DTWD2: variants seen among roughly 807,000 people sequenced by gnomAD.
The protein encoded by DTWD2 is tRNA-uridine aminocarboxypropyltransferase 2.
DTWD2 carries 39 observed loss-of-function variants against 31.8 expected under a neutral mutation model. The ratio of observed to expected loss-of-function variants is 1.22; its 90% confidence interval spans 0.95 to 1.60. DTWD2 has a LOEUF of 1.60. Among genes scored for constraint, DTWD2 ranks in the 40% most tolerant of loss-of-function variants. The probability of loss-of-function intolerance (pLI) is 0.00; values close to 1 mark genes in which losing one functional copy is unlikely to be tolerated. For synonymous variants in DTWD2, 180 were observed against 142.8 expected (o/e 1.26, Z -1.86); for missense variants, 515 against 381.5 (o/e 1.35, Z -2.92).
chr5:118,853,739 G>T (rs1752066724), intron 4 of DTWD2, among the ~76,000 whole-genome samples: 1 of 152,154 alleles, frequency 6.6e-6, no homozygotes, highest in Non-Finnish European at 1.5e-5. Context: ...GACACAGAGG[G>T]GAGGAGGGCA....
chr5:118,883,153 A>T (rs758880150), intron 4 of DTWD2, among the ~76,000 whole-genome samples: 1 of 152,218 alleles, frequency 6.6e-6, no homozygotes, highest in Non-Finnish European at 1.5e-5. Context: ...TAAAAGTTCC[A>T]CAGATCTCTA....
chr5:118,974,145 T>TAA (rs1204642358), intron 1 of DTWD2: 1 of 1,550,908 alleles, frequency 6.4e-7, no homozygotes, highest in Middle Eastern at 2.3e-4. Context: ...AAGGAAAAGT[T>TAA]AAACTAAAAA....
intron 2 of DTWD2, 64 bp downstream of exon 2, chr5:118,944,495 A>C (rs1473022414): frequency 6.7e-7 from 1 of 1,482,504 alleles, no homozygotes; most frequent in African/African-American, 1.4e-5. Flanking sequence ...AAGTATGTTT[A>C]TCTTCGTGTT....
intron 2 of DTWD2, among the ~76,000 whole-genome samples, chr5:118,940,258 T>A (rs896073843): frequency 6.6e-6 from 1 of 152,186 alleles, no homozygotes; most frequent in African/African-American, 2.4e-5. Flanking sequence ...GCCAAGTGAT[T>A]AGTTACTCCG....
chr5:118,869,102 A>C (rs771007319), intron 4 of DTWD2, among the ~76,000 whole-genome samples: 2 of 152,078 alleles, frequency 1.3e-5, no homozygotes, highest in Non-Finnish European at 2.9e-5. Context: ...CAAGAGAAAA[A>C]GAGTTGCGAA....
At chr5:118,870,021 T>C (rs1752467561) in intron 4 of DTWD2, among the ~76,000 whole-genome samples, 1 of 152,148 alleles carries the variant, frequency 6.6e-6, no homozygotes, top group Non-Finnish European at 1.5e-5. Context: ...TCTTGCTCCC[T>C]CTCTTGCCAT....
At chr5:118,917,523 T>A (rs1384378864) in intron 4 of DTWD2, among the ~76,000 whole-genome samples, 1 of 152,160 alleles carries the variant, frequency 6.6e-6, no homozygotes, top group African/African-American at 2.4e-5. Context: ...GACTGGGCAA[T>A]TTATAAAGAA....
At chr5:118,920,022 A>G (rs1244115727) in intron 4 of DTWD2, among the ~76,000 whole-genome samples, 1 of 151,980 alleles carries the variant, frequency 6.6e-6, no homozygotes. Context: ...AAAAAAGTGC[A>G]CATTAAATGT....
At chr5:118,884,721 T>G (rs1752816734) in intron 4 of DTWD2, among the ~76,000 whole-genome samples, 1 of 152,166 alleles carries the variant, frequency 6.6e-6, no homozygotes, top group Non-Finnish European at 1.5e-5. Flanking sequence ...ACCTTCCAGG[T>G]TGGGGCTGGG....
rs145210347 is a variant in DTWD2, at chr5:118,986,634, A to T, written c.218+1660T>A. ...CCCAGGGTACTAGTAGAACTCTAAT[A>T]GCATAATGAAATAAAATATAAAAAG... On this transcript the variant is annotated intron_variant, in intron 1 of 5. Transcript: ENST00000510708. 5.0e-3 allele frequency among the ~76,000 whole-genome samples: 756 copies of T among 152,332 alleles called. 8 individuals are homozygous for T. The highest frequency in any genetic ancestry group is 0.017 in the African/African-American group (724 of 41,584).
At chr5:118,904,310 A>G (rs35808268) in intron 4 of DTWD2, among the ~76,000 whole-genome samples, 5,283 of 152,226 alleles carry the variant, frequency 0.035, 132 homozygotes, top group Non-Finnish European at 0.054. Context: ...ACTAACATAT[A>G]CCAATAACAT....
At chr5:118,881,477 T>C (rs1041152727) in intron 4 of DTWD2, among the ~76,000 whole-genome samples, 10 of 152,342 alleles carry the variant, frequency 6.6e-5, no homozygotes, top group African/African-American at 2.4e-4. Flanking sequence ...AACTGATATA[T>C]TTCTAGAACC....
At chr5:118,862,604 A>C (rs1412682053) in intron 4 of DTWD2, among the ~76,000 whole-genome samples, 1 of 152,178 alleles carries the variant, frequency 6.6e-6, no homozygotes, top group Non-Finnish European at 1.5e-5. Flanking sequence ...AAGAAACACA[A>C]AATACTATAC....
At chr5:118,944,867 A>T (rs1754297764) in intron 1 of DTWD2, among the ~76,000 whole-genome samples, 1 of 152,212 alleles carries the variant, frequency 6.6e-6, no homozygotes, top group South Asian at 2.1e-4. Context: ...ATATAGATTA[A>T]GTACCTCAAA....
chr5:118,920,304 A>T (rs958814535), intron 4 of DTWD2, among the ~76,000 whole-genome samples: 17 of 152,018 alleles, frequency 1.1e-4, no homozygotes, highest in Admixed American at 4.6e-4. Context: ...TTCTTTTTTT[A>T]AAAAAGAGAT....
intron 4 of DTWD2, among the ~76,000 whole-genome samples, chr5:118,926,202 G>T (rs757815068): frequency 6.6e-5 from 10 of 152,124 alleles, no homozygotes; most frequent in Non-Finnish European, 1.3e-4. Context: ...TATATACCAC[G>T]GAATACTACT....
At position 118,970,380 on chromosome 5, in the gene DTWD2, T is replaced by C. The variant is rs528007687; in HGVS notation, c.218+17914A>G. On this transcript the variant is annotated intron_variant, in intron 1 of 5. Coordinates refer to ENST00000510708, the MANE Select transcript of DTWD2 (RefSeq NM_173666.4). ...AGGTGGAGATTGCAGTGAACCAAGA[T>C]TGCACCACGGCACTCCAGCCTGCTA... is the stretch of plus-strand genomic sequence containing the variant. Among the ~76,000 whole-genome samples the C allele has an allele frequency of 2.0e-5, 3 of 152,184 alleles. No individual in the cohort carries two copies. In the South Asian group the frequency reaches 6.2e-4, roughly 32 times the overall value.
At chr5:118,979,032 C>T (rs551533512) in intron 1 of DTWD2, among the ~76,000 whole-genome samples, 84 of 151,874 alleles carry the variant, frequency 5.5e-4, no homozygotes, top group African/African-American at 9.9e-4. Flanking sequence ...AGGCCAGGCG[C>T]GGTGGCTCAC....
chr5:118,928,625 T>C lies in DTWD2; in HGVS notation c.509A>G (p.Tyr170Cys). Residue 170 changes from tyrosine to cysteine, a missense_variant, in exon 4 of 6, where the codon TAT becomes TGT. Physicochemically the swap from Tyr to Cys is radical, Grantham distance 194. Coordinates refer to ENST00000510708, the MANE Select transcript of DTWD2 (RefSeq NM_173666.4). ...ATCAATGATGATGATTGTAGAAGGATAAACAGGAGAATCTAATATAAATTC... is the reference window on the plus strand; with the variant it reads ...ATCAATGATGATGATTGTAGAAGGACAAACAGGAGAATCTAATATAAATTC... ...LEEFILDSPV[Y>C]PSTIIIIDGT... is the part of the protein sequence containing the mutation. 1 of 1,603,566 alleles carries C rather than the reference T, an allele frequency of 6.2e-7. No homozygotes were observed. The highest frequency in any genetic ancestry group is 8.5e-7 in the Non-Finnish European group (1 of 1,174,490).
Sources: gnomAD v4.1 joint callset for allele counts (sites outside exome capture counted in the v4.1 genomes callset) on GRCh38, gnomAD v4.1.1 for gene constraint, MANE v1.5 for transcripts, NCBI Gene and HGNC (gene_info 2026-07-23, HGNC 2026-07-21) for gene names.